The following LSAMP variants were observed in gnomAD, a reference collection of about 807,000 sequenced individuals.
LSAMP encodes the protein limbic system associated membrane protein, also known as limbic system-associated membrane protein.
Under a neutral mutation model 38.6 loss-of-function variants are expected in LSAMP, and 7 were observed. The ratio of observed to expected loss-of-function variants is 0.18; its 90% CI spans 0.10 to 0.34. The LOEUF is 0.34. Ranked by LOEUF, LSAMP falls within the 10% of genes least tolerant of loss-of-function variation. LSAMP has a pLI of 1.00. For synonymous variants in LSAMP, 154 were observed against 166.8 expected (o/e 0.92, Z 0.59); for missense variants, 313 against 420.0 (o/e 0.75, Z 2.23).
At chr3:116,047,742 A>G (rs115955067) in intron 2 of LSAMP, among the ~76,000 whole-genome samples, 7,438 of 152,288 alleles carry the variant, frequency 0.049, 244 homozygotes, top group Middle Eastern at 0.12. Flanking sequence ...GTCATTGAAC[A>G]TTATAATTTT....
At chr3:116,409,320 C>T (rs1255621126) in intron 1 of LSAMP, among the ~76,000 whole-genome samples, 2 of 152,010 alleles carry the variant, frequency 1.3e-5, no homozygotes, top group East Asian at 3.9e-4. Flanking sequence ...TGCTGAGGGA[C>T]ATCTCAAGGA....
At chr3:116,336,811 A>C (rs1009131921) in intron 1 of LSAMP, among the ~76,000 whole-genome samples, 4 of 151,940 alleles carry the variant, frequency 2.6e-5, no homozygotes, top group Non-Finnish European at 4.4e-5. Flanking sequence ...ACATAATTGA[A>C]AGCAGAGTCT....
At chr3:115,902,519 G>GA (rs1936902225) in intron 3 of LSAMP, among the ~76,000 whole-genome samples, 1 of 149,368 alleles carries the variant, frequency 6.7e-6, no homozygotes, top group Admixed American at 6.7e-5. Flanking sequence ...AAGAGCTTCT[G>GA]CACAGCAAAA....
chr3:115,955,059 ATTCTCCTGC>A (rs1938412321), intron 3 of LSAMP, among the ~76,000 whole-genome samples: 1 of 151,088 alleles, frequency 6.6e-6, no homozygotes, highest in African/African-American at 2.4e-5. Context: ...GGTTCACGCC[ATTCTCCTGC>A]CGCAGCCTCC....
At chr3:115,872,707 T>C (rs1310441243) in intron 3 of LSAMP, among the ~76,000 whole-genome samples, 1 of 152,174 alleles carries the variant, frequency 6.6e-6, no homozygotes, top group African/African-American at 2.4e-5. Flanking sequence ...ACGTGAATTA[T>C]ATTATTTAAC....
intron 1 of LSAMP, among the ~76,000 whole-genome samples, chr3:116,198,203 T>A (rs971540568): frequency 3.9e-5 from 6 of 152,182 alleles, no homozygotes; most frequent in Admixed American, 2.0e-4. Context: ...CTGTTCATAG[T>A]GAGAAATGGT....
chr3:116,071,052 A>ATAAT (rs1707591386), intron 2 of LSAMP, among the ~76,000 whole-genome samples: 1 of 128,924 alleles, frequency 7.8e-6, no homozygotes, highest in Non-Finnish European at 1.6e-5. Context: ...AAATAAATAA[A>ATAAT]TAATAAATAA....
intron 3 of LSAMP, among the ~76,000 whole-genome samples, chr3:115,911,449 C>T (rs1937133114): frequency 6.6e-6 from 1 of 152,172 alleles, no homozygotes; most frequent in Non-Finnish European, 1.5e-5. Flanking sequence ...CCTCGACCTC[C>T]TGGGCTCAGG....
chr3:115,977,214 C>T (rs1939215471), intron 3 of LSAMP, among the ~76,000 whole-genome samples: 1 of 152,116 alleles, frequency 6.6e-6, no homozygotes, highest in Admixed American at 6.6e-5. Context: ...CCCAGACTAG[C>T]ATATTAAGAC....
chr3:116,204,595 G>A (rs2107597692), intron 1 of LSAMP, among the ~76,000 whole-genome samples: 1 of 151,994 alleles, frequency 6.6e-6, no homozygotes, highest in East Asian at 1.9e-4. Flanking sequence ...GTAAGGAAGG[G>A]ATCCAGTTTC....
chr3:115,812,333 TCAG>T (rs1459366470), intron 6 of LSAMP, among the ~76,000 whole-genome samples: 5 of 152,140 alleles, frequency 3.3e-5, no homozygotes, highest in Admixed American at 1.3e-4. Context: ...TTAGCTACCT[TCAG>T]GTTCATGCAT....
intron 3 of LSAMP, among the ~76,000 whole-genome samples, chr3:115,874,159 GC>G (rs1458256622): frequency 6.6e-6 from 1 of 152,088 alleles, no homozygotes; most frequent in African/African-American, 2.4e-5. Context: ...CAGAGTTGGA[GC>G]TTTTAGATTT....
At chr3:116,350,450 G>A (rs186899613) in intron 1 of LSAMP, among the ~76,000 whole-genome samples, 7 of 152,042 alleles carry the variant, frequency 4.6e-5, no homozygotes, top group Non-Finnish European at 7.4e-5. Flanking sequence ...CAATTCATAA[G>A]TTTCAAATTG....
At chr3:115,934,344 AT>A (rs1382719775) in intron 3 of LSAMP, among the ~76,000 whole-genome samples, 14 of 151,620 alleles carry the variant, frequency 9.2e-5, no homozygotes, top group Non-Finnish European at 2.1e-4. Context: ...TGCCCGGCTA[AT>A]TTTTGTATTT....
intron 2 of LSAMP, among the ~76,000 whole-genome samples, chr3:116,082,102 A>G (rs530153481): frequency 1.3e-5 from 2 of 152,314 alleles, no homozygotes; most frequent in East Asian, 3.9e-4. Context: ...TTTCCTTTGT[A>G]TTCATACACA....
intron 1 of LSAMP, among the ~76,000 whole-genome samples, chr3:116,120,697 G>C (rs1708854753): frequency 1.3e-5 from 2 of 152,058 alleles, no homozygotes; most frequent in Non-Finnish European, 2.9e-5. Flanking sequence ...TTGATTTCCA[G>C]GTATCTTTGA....
intron 1 of LSAMP, among the ~76,000 whole-genome samples, chr3:116,336,000 C>G (rs902315850): frequency 6.6e-6 from 1 of 151,956 alleles, no homozygotes; most frequent in Non-Finnish European, 1.5e-5. Context: ...CTGTCAAGAC[C>G]ATGCAATGGG....
chr3:116,342,006 T>G, intron 1 of LSAMP, among the ~76,000 whole-genome samples: 1 of 152,054 alleles, frequency 6.6e-6, no homozygotes, highest in African/African-American at 2.4e-5. Flanking sequence ...AAGGGCTATA[T>G]AAATGTAAAA....
intron 3 of LSAMP, among the ~76,000 whole-genome samples, chr3:115,901,110 T>C (rs1413581091): frequency 6.6e-6 from 1 of 152,266 alleles, no homozygotes; most frequent in African/African-American, 2.4e-5. Context: ...AGCATGCTTA[T>C]GGATACATTC....
Sources: allele counts gnomAD v4.1 joint callset (sites outside exome capture counted in the v4.1 genomes callset), GRCh38; gene constraint gnomAD v4.1.1; transcripts MANE v1.5; gene names NCBI Gene and HGNC (gene_info 2026-07-23, HGNC 2026-07-21).